Variants in ROCK1 observed in about 807,000 individuals in gnomAD.
The protein encoded by ROCK1 is Rho associated coiled-coil containing protein kinase 1.
In ROCK1, 36 loss-of-function variants were observed where a neutral mutation model predicts 196.8. The ratio of observed to expected loss-of-function variants is 0.18; its 90% CI spans 0.14 to 0.24. The LOEUF is 0.24. ROCK1 is among the 10% of genes least tolerant of loss of function. The pLI, the probability that ROCK1 is intolerant of heterozygous loss-of-function variation, is 1.00. For synonymous variants in ROCK1, 443 were observed against 515.9 expected, an observed-to-expected ratio of 0.86 and a Z score of 1.91; for missense variants, 920 against 1,562.0, an observed-to-expected ratio of 0.59 and a Z score of 6.93.
intron 1 of ROCK1, among the ~76,000 whole-genome samples, chr18:21,078,185 C>T (rs2036450176): frequency 6.6e-6 from 1 of 152,026 alleles, no homozygotes; most frequent in South Asian, 2.1e-4. Flanking sequence ...AAAAATTAGC[C>T]GGGTGTGGTG....
chr18:21,053,257 A>C (rs1239702636), intron 2 of ROCK1, among the ~76,000 whole-genome samples: 4 of 148,720 alleles, frequency 2.7e-5, no homozygotes, highest in Admixed American at 2.0e-4. Flanking sequence ...CCACTCATAC[A>C]CTTACATAAC....
At position 20,987,092 on chromosome 18, in the gene ROCK1, T is replaced by C; in HGVS notation, c.2162A>G (p.Lys721Arg). 1 of 1,611,710 alleles carries C rather than the reference T, an allele frequency of 6.2e-7. No individual in the cohort carries two copies. The highest frequency in any genetic ancestry group is 8.5e-7 in the Non-Finnish European group (1 of 1,179,570). Residue 721 changes from lysine to arginine, a missense_variant, in exon 19 of 33, where the codon AAA (lysine) becomes AGA (arginine). Lys to Arg is a conservative substitution (Grantham distance 26). This residue lies in a region of ROCK1 where 520 missense variants were observed against 657.1 expected (regional missense o/e 0.79). Coordinates refer to ENST00000399799, the MANE Select transcript of ROCK1 (RefSeq NM_005406.3). The stretch of plus-strand genomic sequence containing the variant: ...CTTCTCTCGAGCTTCTCTTTCTTCT[T>C]TCAGCTTTTTTTCCATCTCTGGGAA... ...VAMCEMEKKLKEEREAREKAE... is the reference protein window; with the variant it reads ...VAMCEMEKKLREEREAREKAE...
intron 29 of ROCK1, among the ~76,000 whole-genome samples, chr18:20,959,040 A>AATATATATATTTTATATAAT (rs1376289380): frequency 3.0e-4 from 17 of 57,374 alleles, no homozygotes; most frequent in African/African-American, 2.4e-3. Flanking sequence ...TATTTTATAT[A>AATATATATATTTTATATAAT]ATATATAATA....
chr18:21,025,058 C>T (rs1033641430), intron 10 of ROCK1, among the ~76,000 whole-genome samples: 11 of 152,160 alleles, frequency 7.2e-5, no homozygotes, highest in African/African-American at 2.7e-4. Context: ...ACATTTTAGT[C>T]TTCTGCAAAA....
chr18:21,079,134 T>C (rs1381958649), intron 1 of ROCK1, among the ~76,000 whole-genome samples: 1 of 152,200 alleles, frequency 6.6e-6, no homozygotes. Flanking sequence ...CCTTCTAATA[T>C]ACACCTTAAA....
At chr18:21,064,735 A>T (rs1598549462) in intron 2 of ROCK1, among the ~76,000 whole-genome samples, 2 of 152,172 alleles carry the variant, frequency 1.3e-5, no homozygotes, top group East Asian at 3.9e-4. Flanking sequence ...CTGGATATGT[A>T]TTCATACTTC....
In ROCK1 at chr18:21,042,624, T is replaced by C. The variant is rs1249826232; in HGVS notation, c.761A>G (p.Tyr254Cys). 3.1e-6 allele frequency: 5 copies of C among 1,614,014 alleles called. No individual in the cohort carries two copies. The highest frequency in any genetic ancestry group is 4.2e-6 in the Non-Finnish European group (5 of 1,179,922). ...EVLKSQGGDG[Y>C]YGRECDWWSV... is the part of the protein sequence containing the mutation. The stretch of plus-strand genomic sequence containing the variant: ...CCACCAGTCACATTCTCTTCCATAA[T>C]AACCATCACCACCTTGGGATTTTAA... Residue 254 changes from tyrosine to cysteine, a missense_variant, in exon 7 of 33, where the codon TAT (tyrosine) becomes TGT (cysteine). By Grantham distance (194) the Tyr-to-Cys change is radical. Transcript: ENST00000399799.
chr18:20,970,452 G>A lies in ROCK1; in HGVS notation c.2716C>T (p.Arg906Ter). ...ETKAESEQLA[R>*]GLLEEQYFEL... ...AAATACTGTTCTTCCAGAAGGCCTC[G>A]CGCCAACTGCTCAGACTCAGCTTTT... is the stretch of plus-strand genomic sequence containing the variant. Residue 906 changes from arginine to a stop codon, truncating the protein, a stop_gained, in exon 23 of 33, where the codon CGA (arginine) becomes TGA (stop). Coordinates refer to ENST00000399799, the MANE Select transcript of ROCK1 (RefSeq NM_005406.3). LOFTEE classifies it high-confidence loss of function. The A allele has an allele frequency of 1.9e-6, 3 of 1,613,728 alleles. No individual in the cohort carries two copies. Among genetic ancestry groups the A allele is most frequent in the Non-Finnish European group, 2.5e-6 (3 of 1,179,728 alleles).
chr18:21,067,234 T>C (rs2036342466), intron 2 of ROCK1, among the ~76,000 whole-genome samples: 1 of 152,204 alleles, frequency 6.6e-6, no homozygotes, highest in African/African-American at 2.4e-5. Context: ...TGGAGAAATG[T>C]CTATTCAAAT....
intron 2 of ROCK1, among the ~76,000 whole-genome samples, chr18:21,063,490 T>C (rs1266340397): frequency 7.4e-6 from 1 of 135,322 alleles, no homozygotes; most frequent in Non-Finnish European, 1.5e-5. Context: ...AAAAGTCTTA[T>C]GGAGGTGTCA....
At chr18:20,974,497 C>A (rs2035460719) in intron 22 of ROCK1, among the ~76,000 whole-genome samples, 1 of 152,136 alleles carries the variant, frequency 6.6e-6, no homozygotes, top group Non-Finnish European at 1.5e-5. Flanking sequence ...GAATATATTT[C>A]TATCCCTGGT....
intron 2 of ROCK1, 50 bp from the exon 3 acceptor site, chr18:21,049,930 T>C (rs1183555127): frequency 3.4e-6 from 3 of 889,444 alleles, no homozygotes; most frequent in Non-Finnish European, 5.2e-6. Flanking sequence ...GCATTACAAC[T>C]AGCACTACTT....
chr18:21,001,949 A>G (rs1157710500), intron 16 of ROCK1, among the ~76,000 whole-genome samples: 1 of 152,196 alleles, frequency 6.6e-6, no homozygotes, highest in African/African-American at 2.4e-5. Flanking sequence ...GATGTTTCAT[A>G]CAAAAATCGA....
At chr18:21,037,180 T>C (rs1180621973) in intron 9 of ROCK1, among the ~76,000 whole-genome samples, 1 of 152,256 alleles carries the variant, frequency 6.6e-6, no homozygotes, top group South Asian at 2.1e-4. Context: ...CAATTTTATC[T>C]CAAATGAGTG....
At chr18:21,089,853 C>T (rs1001046852) in intron 1 of ROCK1, among the ~76,000 whole-genome samples, 1 of 152,162 alleles carries the variant, frequency 6.6e-6, no homozygotes, top group African/African-American at 2.4e-5. Context: ...TTACACACAC[C>T]ATCATAAAGT....
chr18:21,012,006 C>A (rs1047368375), intron 13 of ROCK1, among the ~76,000 whole-genome samples: 2 of 152,100 alleles, frequency 1.3e-5, no homozygotes, highest in Non-Finnish European at 2.9e-5. Flanking sequence ...TGCAGTGGTG[C>A]GCTTGGCTCA....
chr18:20,988,985 CA>C (rs1304483730), intron 18 of ROCK1, among the ~76,000 whole-genome samples: 1 of 152,004 alleles, frequency 6.6e-6, no homozygotes, highest in Non-Finnish European at 1.5e-5. Context: ...GTACACACAA[CA>C]AAGTGTAGGG....
At chr18:20,979,024 C>T (rs534206507) in intron 22 of ROCK1, among the ~76,000 whole-genome samples, 9 of 152,268 alleles carry the variant, frequency 5.9e-5, no homozygotes, top group East Asian at 1.9e-4. Context: ...TGAGATACTC[C>T]GCAGGAGTTA....
intron 11 of ROCK1, among the ~76,000 whole-genome samples, chr18:21,023,036 T>C (rs1294692497): frequency 6.6e-6 from 1 of 152,022 alleles, no homozygotes; most frequent in Non-Finnish European, 1.5e-5. Context: ...GTACCTGGAA[T>C]AGGCAAATTC....
Sources: allele counts gnomAD v4.1 joint callset (sites outside exome capture counted in the v4.1 genomes callset), GRCh38; gene constraint gnomAD v4.1.1; regional missense constraint gnomAD v4.1.1; transcripts MANE v1.5; gene names NCBI Gene and HGNC (gene_info 2026-07-23, HGNC 2026-07-21).